Variants in SLC30A8 observed in about 807,000 individuals in gnomAD.
The protein encoded by SLC30A8 is proton-coupled zinc antiporter SLC30A8.
A neutral mutation model predicts 36.9 loss-of-function variants in SLC30A8; 27 were observed. The observed-to-expected ratio is 0.73, with a 90% CI of 0.54 to 1.01. The LOEUF (loss-of-function observed/expected upper bound fraction) is 1.01. Ranked by LOEUF, SLC30A8 falls within the 50% of genes least tolerant of loss-of-function variation. The pLI is 0.00. For synonymous variants in SLC30A8, 164 were observed against 172.4 expected, an observed-to-expected ratio of 0.95 and a Z score of 0.38; for missense variants, 439 against 452.0, an observed-to-expected ratio of 0.97 and a Z score of 0.26.
intron 1 of SLC30A8, among the ~76,000 whole-genome samples, chr8:117,142,334 A>G (rs977008738): frequency 6.6e-6 from 1 of 152,180 alleles, no homozygotes; most frequent in African/African-American, 2.4e-5. Context: ...AAGGGTTTCT[A>G]TGTTTTGATC....
intron 2 of SLC30A8, among the ~76,000 whole-genome samples, chr8:117,052,281 G>A (rs1227364733): frequency 6.6e-6 from 1 of 152,170 alleles, no homozygotes; most frequent in Admixed American, 6.5e-5. Flanking sequence ...AAAGTGCTGG[G>A]ATTACAGGCA....
chr8:117,027,547 T>C (rs2130734387), intron 1 of SLC30A8, among the ~76,000 whole-genome samples: 1 of 152,316 alleles, frequency 6.6e-6, no homozygotes, highest in South Asian at 2.1e-4. Context: ...TGCTGTATTG[T>C]TGACTCCCAC....
chr8:116,992,896 T>C (rs185748163), intron 1 of SLC30A8, among the ~76,000 whole-genome samples: 5 of 152,334 alleles, frequency 3.3e-5, no homozygotes, highest in African/African-American at 1.2e-4. Context: ...CTGATGCTTT[T>C]TCTCTGACAG....
intron 2 of SLC30A8, among the ~76,000 whole-genome samples, chr8:117,081,726 C>T (rs1003306580): frequency 1.3e-5 from 2 of 152,132 alleles, no homozygotes; most frequent in African/African-American, 4.8e-5. Flanking sequence ...GTCAGGTCTG[C>T]CTTTTCAATT....
At position 116,956,734 on chromosome 8, in the gene SLC30A8, G is replaced by C. The variant is rs3020112; in HGVS notation, c.-266+5615G>C. 2.4e-3 allele frequency among the ~76,000 whole-genome samples: 365 copies of C among 152,278 alleles called. 10 individuals carry two copies. In the East Asian group the frequency reaches 0.029, roughly 12 times the overall value. On this transcript the variant is annotated intron_variant, in intron 1 of 10. Transcript: ENST00000427715. Reference sequence around the variant, plus strand: ...ATGAAATGCCAACTTAAATGAAGTTGAGTTCTATTTTGAAACTTGAATTAA... The same window carrying C: ...ATGAAATGCCAACTTAAATGAAGTTCAGTTCTATTTTGAAACTTGAATTAA...
chr8:116,964,477 AG>A (rs1191037441), intron 1 of SLC30A8, among the ~76,000 whole-genome samples: 5 of 152,196 alleles, frequency 3.3e-5, no homozygotes, highest in African/African-American at 9.6e-5. Context: ...ACTCTAATTA[AG>A]GGGGGCAGCC....
intron 1 of SLC30A8, among the ~76,000 whole-genome samples, chr8:117,143,014 G>A (rs1261927923): frequency 6.6e-6 from 1 of 152,144 alleles, no homozygotes; most frequent in Non-Finnish European, 1.5e-5. Context: ...AACAGGAATA[G>A]TGATTTGAGG....
At chr8:117,106,449 A>G (rs560657154) in intron 2 of SLC30A8, among the ~76,000 whole-genome samples, 2 of 152,312 alleles carry the variant, frequency 1.3e-5, no homozygotes, top group African/African-American at 4.8e-5. Context: ...TTCTTTTACT[A>G]AGATACAGGG....
At position 117,161,824 on chromosome 8, in the gene SLC30A8, A is replaced by G; in HGVS notation, c.659A>G (p.His220Arg). 6.2e-7 allele frequency: 1 copy of G among 1,614,018 alleles called. No individual in the cohort carries two copies. Among genetic ancestry groups the G allele is most frequent in the Admixed American group, 1.7e-5 (1 of 60,004 alleles). Residue 220 changes from histidine (H) to arginine (R), a missense_variant, in exon 5 of 8, where the codon CAT becomes CGT. Physicochemically the swap from His to Arg is conservative, Grantham distance 29. Transcript: ENST00000456015. ...ANASVRAAFV[H>R]ALGDLFQSIS... The stretch of plus-strand genomic sequence containing the variant: ...GCCAGCGTCAGAGCTGCTTTTGTGC[A>G]TGCCCTTGGAGATCTATTTCAGAGT...
At chr8:116,992,753 G>A (rs1173333645) in intron 1 of SLC30A8, among the ~76,000 whole-genome samples, 1 of 152,102 alleles carries the variant, frequency 6.6e-6, no homozygotes, top group Non-Finnish European at 1.5e-5. Flanking sequence ...TCTTGCATTG[G>A]ACTTAAACTA....
At position 117,161,849 on chromosome 8, in the gene SLC30A8, T is replaced by TATC. The variant is rs769095071; in HGVS notation, c.686_688dup (p.Ile229dup). ...ATGCCCTTGGAGATCTATTTCAGAG[T>TATC]ATCAGTGTGCTAATTAGTGCACTTA... On this transcript the variant is annotated inframe_insertion, in exon 5 of 8. Transcript: ENST00000456015. 1 of 1,613,868 alleles carries TATC rather than the reference T, an allele frequency of 6.2e-7. No homozygotes were observed. Among genetic ancestry groups the TATC allele is most frequent in the East Asian group, 2.2e-5 (1 of 44,858 alleles).
chr8:117,000,468 G>A (rs1194310061), intron 1 of SLC30A8, among the ~76,000 whole-genome samples: 2 of 152,296 alleles, frequency 1.3e-5, no homozygotes. Context: ...AGCTGTAAAA[G>A]TGTATAAATT....
intron 1 of SLC30A8, among the ~76,000 whole-genome samples, chr8:116,993,200 T>G (rs1476791351): frequency 6.6e-6 from 1 of 151,194 alleles, no homozygotes; most frequent in African/African-American, 2.5e-5. Flanking sequence ...ATAGAAGCTC[T>G]GCAGTGCTAG....
intron 6 of SLC30A8, among the ~76,000 whole-genome samples, chr8:117,169,265 GAAATCCCCCATGAGCAA>G (rs1393865712): frequency 6.6e-6 from 1 of 152,086 alleles, no homozygotes; most frequent in Non-Finnish European, 1.5e-5. Context: ...CTCCAAGGAG[GAAATCCCCCATGAGCAA>G]GGTTCTTAGC....
chr8:117,004,046 T>C (rs1028140935), intron 1 of SLC30A8, among the ~76,000 whole-genome samples: 3 of 152,230 alleles, frequency 2.0e-5, no homozygotes, highest in Non-Finnish European at 4.4e-5. Flanking sequence ...GTGGATGATA[T>C]TGAAAATTAA....
rs1448137819 is a variant in SLC30A8, at chr8:117,174,835, T to A, written c.*2154T>A. ...TTTCCCTGAAATTCTGCTTTTTTAG[T>A]CAGCTAGATTGAAAACTCTGAACAG... On this transcript the variant is annotated 3_prime_UTR_variant, in exon 8 of 8. Transcript: ENST00000456015. 6.6e-6 allele frequency: 1 copy of A among 152,532 alleles called. No individual in the cohort carries two copies. The highest frequency in any genetic ancestry group is 1.5e-5 in the Non-Finnish European group (1 of 67,992). 9.4% of individuals were successfully genotyped at this position (152,532 alleles called of 1,614,324 possible).
At chr8:117,031,930 C>A (rs188899333) in intron 1 of SLC30A8, among the ~76,000 whole-genome samples, 33 of 152,294 alleles carry the variant, frequency 2.2e-4, no homozygotes, top group Admixed American at 8.5e-4. Context: ...CCTTCATCCC[C>A]TTCATTTCTG....
intron 1 of SLC30A8, among the ~76,000 whole-genome samples, chr8:116,997,499 A>T (rs1199018410): frequency 1.4e-5 from 2 of 147,424 alleles, no homozygotes; most frequent in East Asian, 3.9e-4. Context: ...AAATTAAATC[A>T]GTTTTTTTTT....
Position 117,056,534 on chromosome 8 carries a change from T to TCTTC in SLC30A8, c.-226+17279_-226+17280insCCTT, listed in dbSNP as rs1236399821. On this transcript the variant is annotated intron_variant, in intron 2 of 10. Transcript: ENST00000427715. The stretch of plus-strand genomic sequence containing the variant: ...AAGTACAAGCATGGATTTCTCTTTT[T>TCTTC]CTTTCTTTTTTTCTTTTTCTAAAAC... 1.4e-3 allele frequency among the ~76,000 whole-genome samples: 208 copies of TCTTC among 151,870 alleles called. 2 individuals are homozygous for TCTTC. In the East Asian group the frequency reaches 0.036, roughly 26 times the overall value.
Sources: gnomAD v4.1 joint callset for allele counts (sites outside exome capture counted in the v4.1 genomes callset) on GRCh38, gnomAD v4.1.1 for gene constraint, MANE v1.5 for transcripts, NCBI Gene and HGNC (gene_info 2026-07-23, HGNC 2026-07-21) for gene names.